The following POFUT3 variants were observed in gnomAD, a reference collection of about 807,000 sequenced individuals.
The protein encoded by POFUT3 is protein O-fucosyltransferase 3.
At chr8:33,422,567 A>C in the POFUT3 span, among the ~76,000 whole-genome samples, 1 of 149,348 alleles carries the variant, frequency 6.7e-6, no homozygotes, top group African/African-American at 2.5e-5. Flanking sequence ...AAAAAAAAAA[A>C]AAAAACCACA....
the POFUT3 span, among the ~76,000 whole-genome samples, chr8:33,414,368 A>C: frequency 6.6e-6 from 1 of 152,128 alleles, no homozygotes; most frequent in Non-Finnish European, 1.5e-5. Flanking sequence ...CAGTTCATTC[A>C]TTCCTCCTAA....
chr8:33,335,697 A>G, the POFUT3 span, among the ~76,000 whole-genome samples: 585 of 152,344 alleles, frequency 3.8e-3, 3 homozygotes, highest in Non-Finnish European at 6.4e-3. Flanking sequence ...TAACATAAAC[A>G]GCCAATTCAC....
chr8:33,316,636 G>A, the POFUT3 span, among the ~76,000 whole-genome samples: 7 of 151,870 alleles, frequency 4.6e-5, no homozygotes, highest in African/African-American at 1.7e-4. Flanking sequence ...CAGCTACTTA[G>A]GAGGCTGAGG....
the POFUT3 span, among the ~76,000 whole-genome samples, chr8:33,368,136 G>A: frequency 6.6e-6 from 1 of 152,118 alleles, no homozygotes; most frequent in Non-Finnish European, 1.5e-5. Context: ...GTTCCAGGAG[G>A]ATACAAAGGG....
the POFUT3 span, among the ~76,000 whole-genome samples, chr8:33,319,911 A>G: frequency 6.7e-6 from 1 of 148,854 alleles, no homozygotes; most frequent in South Asian, 2.1e-4. Flanking sequence ...GTTACTGATC[A>G]GCTCTTGGCA....
the POFUT3 span, among the ~76,000 whole-genome samples, chr8:33,370,169 T>TAAAAAAAAAAA: frequency 6.0e-4 from 24 of 39,896 alleles, 1 homozygote; most frequent in East Asian, 2.9e-3. Flanking sequence ...CCATCTTTAC[T>TAAAAAAAAAAA]AAAAAAAAAA....
chr8:33,308,905 C>A, the POFUT3 span, among the ~76,000 whole-genome samples: 2 of 150,120 alleles, frequency 1.3e-5, no homozygotes, highest in African/African-American at 4.9e-5. Context: ...GGTGGTGAAT[C>A]GTCCATAGTC....
chr8:33,338,726 G>A, the POFUT3 span: 1 of 152,086 alleles, frequency 6.6e-6, no homozygotes, highest in South Asian at 2.1e-4. Context: ...CCCTCCTCGG[G>A]TGTCATCAAA....
At chr8:33,367,399 C>T in the POFUT3 span, among the ~76,000 whole-genome samples, 2 of 152,274 alleles carry the variant, frequency 1.3e-5, no homozygotes, top group African/African-American at 4.8e-5. Flanking sequence ...CTTCGTTTCC[C>T]GTAAGGAATA....
At chr8:33,414,485 A>T in the POFUT3 span, among the ~76,000 whole-genome samples, 1 of 152,118 alleles carries the variant, frequency 6.6e-6, no homozygotes, top group African/African-American at 2.4e-5. Flanking sequence ...TTTGAGTCTC[A>T]TATCTATTAT....
chr8:33,380,995 G>A, the POFUT3 span, among the ~76,000 whole-genome samples: 1 of 151,776 alleles, frequency 6.6e-6, no homozygotes, highest in Non-Finnish European at 1.5e-5. Context: ...AAATTAACCA[G>A]GCATGGTGAC....
At chr8:33,385,607 C>T in the POFUT3 span, among the ~76,000 whole-genome samples, 3 of 152,248 alleles carry the variant, frequency 2.0e-5, no homozygotes, top group Non-Finnish European at 2.9e-5. Context: ...GAAGGCAGGG[C>T]GCAGTGGCTC....
the POFUT3 span, among the ~76,000 whole-genome samples, chr8:33,412,162 C>T: frequency 2.6e-5 from 4 of 152,144 alleles, no homozygotes; most frequent in African/African-American, 9.7e-5. Flanking sequence ...GACGGAAAAT[C>T]CTCAATGTAA....
chr8:33,325,496 T>A, the POFUT3 span, among the ~76,000 whole-genome samples: 1 of 152,206 alleles, frequency 6.6e-6, no homozygotes, highest in Non-Finnish European at 1.5e-5. Flanking sequence ...TACGTTAATT[T>A]ATTTTTTAAA....
At chr8:33,348,556 A>T in the POFUT3 span, among the ~76,000 whole-genome samples, 1 of 152,202 alleles carries the variant, frequency 6.6e-6, no homozygotes, top group Non-Finnish European at 1.5e-5. Context: ...CCTTTTCCAC[A>T]TTGGTGTATA....
At chr8:33,464,233 T>C in the POFUT3 span, among the ~76,000 whole-genome samples, 2 of 152,178 alleles carry the variant, frequency 1.3e-5, no homozygotes. Flanking sequence ...ATAAAATAGA[T>C]TGCTACCCCA....
the POFUT3 span, among the ~76,000 whole-genome samples, chr8:33,443,394 G>A: frequency 6.6e-6 from 1 of 152,306 alleles, no homozygotes; most frequent in Admixed American, 6.5e-5. Context: ...TCACAGGCCA[G>A]AGCTCACTGC....
the POFUT3 span, among the ~76,000 whole-genome samples, chr8:33,358,648 C>T: frequency 1.3e-5 from 2 of 152,030 alleles, no homozygotes; most frequent in East Asian, 1.9e-4. Flanking sequence ...GAGGTGTGGC[C>T]TCTAGGAGGT....
At chr8:33,316,735 C>G in the POFUT3 span, among the ~76,000 whole-genome samples, 2 of 121,530 alleles carry the variant, frequency 1.6e-5, no homozygotes. Flanking sequence ...GAGTGAGACT[C>G]TGTCTCAAAA....
Sources: gnomAD v4.1 joint callset for allele counts (sites outside exome capture counted in the v4.1 genomes callset) on GRCh38, gnomAD v4.1.1 for gene constraint, MANE v1.5 for transcripts, NCBI Gene and HGNC (gene_info 2026-07-23, HGNC 2026-07-21) for gene names.